Variants in CD300LF observed in about 807,000 individuals in gnomAD.
CD300LF encodes CMRF35-like molecule 1.
Under a neutral mutation model 32.2 loss-of-function variants are expected in CD300LF, and 27 were observed. That is an observed-to-expected ratio of 0.84 (90% confidence interval 0.62 to 1.15). The LOEUF (loss-of-function observed/expected upper bound fraction) is 1.15. CD300LF is among the 50% of genes most tolerant of loss of function. The pLI is 0.00. For synonymous variants in CD300LF, 139 were observed against 143.2 expected, an observed-to-expected ratio of 0.97 and a Z score of 0.21; for missense variants, 348 against 356.8, an observed-to-expected ratio of 0.98 and a Z score of 0.20.
chr17:74,708,753 A>G (rs979009390), intron 1 of CD300LF, among the ~76,000 whole-genome samples: 1 of 152,020 alleles, frequency 6.6e-6, no homozygotes, highest in Non-Finnish European at 1.5e-5. Flanking sequence ...TGTCTCTACT[A>G]AAAATACAAA....
intron 1 of CD300LF, among the ~76,000 whole-genome samples, chr17:74,712,038 A>G (rs181160553): frequency 1.3e-3 from 194 of 150,310 alleles, no homozygotes; most frequent in Non-Finnish European, 1.4e-3. Context: ...CAGCCTCCCA[A>G]GTAGCTGGGA....
rs1370997537 is a variant in CD300LF, at chr17:74,694,404, G to A, written c.*692C>T. The A allele has an allele frequency of 1.3e-5, 2 of 152,184 alleles. No individual in the cohort carries two copies. The highest frequency in any genetic ancestry group is 1.9e-4 in the East Asian group (1 of 5,198). The allele number at this position is 152,184 out of a possible 1,614,324, so 9.4% of individuals were successfully genotyped here. A position where few individuals can be genotyped will look rare whatever the true frequency, so the allele number is the denominator to read the frequency against. ...TTCAATGGGCTCAAGTCAAGGCGTGGGCAGGGCTGGTTTCTTTTGGAGGCT... is the reference window on the plus strand; with the variant it reads ...TTCAATGGGCTCAAGTCAAGGCGTGAGCAGGGCTGGTTTCTTTTGGAGGCT... On this transcript the variant is annotated 3_prime_UTR_variant, in exon 7 of 7. Transcript: ENST00000326165.
chr17:74,703,193 T>C, intron 2 of CD300LF, 95 bp from the exon 3 acceptor site: 1 of 1,483,570 alleles, frequency 6.7e-7, no homozygotes, highest in Non-Finnish European at 9.4e-7. Context: ...CCCCTGCCCA[T>C]GAGCCCACCC....
intron 1 of CD300LF, among the ~76,000 whole-genome samples, chr17:74,711,567 T>A (rs2033963847): frequency 6.6e-6 from 1 of 152,202 alleles, no homozygotes; most frequent in Admixed American, 6.5e-5. Flanking sequence ...CCCACCAGGA[T>A]CTTCTGAAGC....
Position 74,695,611 on chromosome 17 carries a change from A to T in CD300LF, c.717+114T>A. On this transcript the variant is annotated intron_variant, in intron 6 of 6. Coordinates refer to ENST00000326165, the MANE Select transcript of CD300LF (RefSeq NM_139018.5). ...TGCAGTGACTATGGCTTTGCCCCAC[A>T]CCTGCCTCCTCTATGCCCACATGAG... The T allele has an allele frequency of 3.4e-6, 5 of 1,471,248 alleles. No individual in the cohort carries two copies. In the East Asian group the frequency reaches 1.2e-4, roughly 34 times the overall value. 91.1% of individuals were successfully genotyped at this position (1,471,248 alleles called of 1,614,324 possible).
chr17:74,696,262 G>C, intron 4 of CD300LF, 45 bp from the exon 5 acceptor site: 1 of 1,578,276 alleles, frequency 6.3e-7, no homozygotes. Flanking sequence ...CCATTCCCCA[G>C]ACTCACAAGA....
chr17:74,695,150 G>A lies in CD300LF; in HGVS notation c.819C>T (p.Leu273=). The change falls in exon 7 of 7, where the codon CTC becomes CTT. Residue 273 remains leucine (L), a synonymous_variant. Transcript: ENST00000326165. ...TGGGCTCCTCAGGGCCCCTGCCGGG[G>A]AGGTGGCTACTGAGGTGGCCCATGT... ...YCNMGHLSSH[L]PGRGPEEPTE... 1 of 1,614,194 alleles carries A rather than the reference G, an allele frequency of 6.2e-7. No homozygotes were observed. The highest frequency in any genetic ancestry group is 8.5e-7 in the Non-Finnish European group (1 of 1,180,024).
At chr17:74,698,628 A>T in intron 3 of CD300LF, 147 bp from the exon 4 acceptor site, 1 of 1,476,974 alleles carries the variant, frequency 6.8e-7, no homozygotes, top group South Asian at 1.4e-5. Flanking sequence ...ACTCCTGGGG[A>T]TCCTCAAAGA....
intron 1 of CD300LF, among the ~76,000 whole-genome samples, chr17:74,705,820 C>A (rs1448396426): frequency 6.6e-6 from 1 of 152,172 alleles, no homozygotes; most frequent in Non-Finnish European, 1.5e-5. Flanking sequence ...GTCTCAAACT[C>A]CCGGGCTCAA....
At chr17:74,696,094 A>C in intron 5 of CD300LF, 101 bp downstream of exon 5, 1 of 1,454,974 alleles carries the variant, frequency 6.9e-7, no homozygotes, top group Middle Eastern at 2.1e-4. Flanking sequence ...ATACTTTGGC[A>C]CAGGACTTCT....
At chr17:74,705,359 G>T in intron 1 of CD300LF, 1 of 658,234 alleles carries the variant, frequency 1.5e-6, no homozygotes, top group South Asian at 1.6e-5. Context: ...AAACAGCAAC[G>T]GCAACTGGTC....
At chr17:74,709,614 C>T (rs746904346) in intron 1 of CD300LF, among the ~76,000 whole-genome samples, 2 of 151,986 alleles carry the variant, frequency 1.3e-5, no homozygotes, top group African/African-American at 2.4e-5. Context: ...TCACCCAGGC[C>T]GGAGTGCACT....
Position 74,703,113 on chromosome 17 carries a change from G to C in CD300LF, c.383-15C>G, listed in dbSNP as rs372880370. On this transcript the variant is annotated splice_polypyrimidine_tract_variant and intron_variant, in intron 2 of 6. Transcript: ENST00000326165. Reference sequence around the variant, plus strand: ...GGTGACTGGTGCTGTAAACGTAGTGGAGGTAGGCGTGGTGGGGGCAGGAGT... The same window carrying C: ...GGTGACTGGTGCTGTAAACGTAGTGCAGGTAGGCGTGGTGGGGGCAGGAGT... The C allele has an allele frequency of 5.6e-6, 9 of 1,613,784 alleles. No individual in the cohort carries two copies. In the African/African-American group the frequency reaches 1.2e-4, roughly 22 times the overall value.
At chr17:74,696,998 A>G (rs1302380687) in intron 4 of CD300LF, among the ~76,000 whole-genome samples, 2 of 152,044 alleles carry the variant, frequency 1.3e-5, no homozygotes, top group Non-Finnish European at 2.9e-5. Flanking sequence ...CCGGAGGGCA[A>G]TGGCACCATC....
Position 74,704,714 on chromosome 17 carries a change from T to C in CD300LF, c.146A>G (p.Tyr49Cys), listed in dbSNP as rs1410048815. The C allele has an allele frequency of 1.9e-6, 3 of 1,614,146 alleles. No individual in the cohort carries two copies. The South Asian group carries it at 3.3e-5, about 18-fold the overall frequency. The change falls in exon 2 of 7, where the codon TAC (tyrosine) becomes TGC (cysteine). Residue 49 changes from tyrosine to cysteine, a missense_variant. Transcript: ENST00000326165. Reference protein sequence around the residue: ...QCVYRSGWETYLKWWCRGAIW... With the variant: ...QCVYRSGWETCLKWWCRGAIW... ...AGCTCCTCGACACCACCACTTCAAG[T>C]AGGTCTCCCAGCCTGATCTGTAAAC...
In CD300LF at chr17:74,695,110, T is replaced by C. The variant is rs763830393; in HGVS notation, c.859A>G (p.Ile287Val). ...GPEEPTEYST[I>V]SRP is the part of the protein sequence containing the mutation. ...TGGAGTGCAGGCTAAGGCCTGCTGA[T>C]GGTGCTGTATTCCGTGGGCTCCTCA... The change falls in exon 7 of 7, where the codon ATC becomes GTC. Residue 287 changes from isoleucine (I) to valine (V), a missense_variant. Ile to Val is a conservative substitution (Grantham distance 29). Transcript: ENST00000326165. 6.2e-7 allele frequency: 1 copy of C among 1,613,806 alleles called. No homozygotes were observed. The highest frequency in any genetic ancestry group is 8.5e-7 in the Non-Finnish European group (1 of 1,179,864).
chr17:74,712,529 CA>C (rs1307916971), intron 1 of CD300LF, among the ~76,000 whole-genome samples: 1 of 152,244 alleles, frequency 6.6e-6, no homozygotes, highest in African/African-American at 2.4e-5. Flanking sequence ...CTCTCCTGAG[CA>C]GCCCATGTTC....
intron 3 of CD300LF, among the ~76,000 whole-genome samples, chr17:74,698,931 T>C (rs893627620): frequency 7.2e-5 from 11 of 152,210 alleles, no homozygotes; most frequent in African/African-American, 2.7e-4. Context: ...TGTTTTTCAT[T>C]TTTTTGACAC....
At chr17:74,701,148 G>T (rs946790978) in intron 3 of CD300LF, among the ~76,000 whole-genome samples, 1 of 152,114 alleles carries the variant, frequency 6.6e-6, no homozygotes, top group Non-Finnish European at 1.5e-5. Context: ...ATTTTGTTAG[G>T]GGCAACCCAA....
Sources: gnomAD v4.1 joint callset for allele counts (sites outside exome capture counted in the v4.1 genomes callset) on GRCh38, gnomAD v4.1.1 for gene constraint, MANE v1.5 for transcripts, NCBI Gene and HGNC (gene_info 2026-07-23, HGNC 2026-07-21) for gene names.